The following TRAPPC8 variants were observed in gnomAD, a reference collection of about 807,000 sequenced individuals.
TRAPPC8 encodes general sporulation gene 1 homolog.
TRAPPC8 carries 54 observed loss-of-function variants against 174.3 expected under a neutral mutation model. The ratio of observed to expected loss-of-function variants is 0.31; its 90% CI spans 0.25 to 0.39. The LOEUF is 0.39. TRAPPC8 is among the 10% of genes least tolerant of loss of function. The probability of loss-of-function intolerance (pLI) is 1.00; values close to 1 mark genes in which losing one functional copy is unlikely to be tolerated. For synonymous variants in TRAPPC8, 630 were observed against 579.9 expected, an observed-to-expected ratio of 1.09 and a Z score of -1.24; for missense variants, 1,531 against 1,699.1, an observed-to-expected ratio of 0.90 and a Z score of 1.74.
chr18:31,832,978 A>T (rs940538425), intron 27 of TRAPPC8, among the ~76,000 whole-genome samples: 1 of 150,648 alleles, frequency 6.6e-6, no homozygotes, highest in Non-Finnish European at 1.5e-5. Flanking sequence ...CAGAAACTTT[A>T]TATCTTCTTA....
intron 28 of TRAPPC8, among the ~76,000 whole-genome samples, chr18:31,831,634 T>C (rs1598571396): frequency 6.6e-6 from 1 of 152,168 alleles, no homozygotes; most frequent in Admixed American, 6.5e-5. Context: ...CTGTTTATAA[T>C]ATTGAAAAAT....
intron 18 of TRAPPC8, among the ~76,000 whole-genome samples, chr18:31,865,612 A>G (rs1365006051): frequency 1.3e-5 from 2 of 151,932 alleles, no homozygotes; most frequent in Admixed American, 6.6e-5. Context: ...AATAACATAT[A>G]AAGTATTTTT....
chr18:31,919,834 C>A (rs1004541281), intron 2 of TRAPPC8, among the ~76,000 whole-genome samples: 12 of 151,838 alleles, frequency 7.9e-5, no homozygotes, highest in African/African-American at 2.9e-4. Context: ...GCACTCCAGC[C>A]TGGGCGACAG....
Position 31,830,484 on chromosome 18 carries a change from A to G in TRAPPC8, c.*271T>C. ...GCAGACTTAGACTTTGTGTTTTCTT[A>G]AGATGGGGCTTAATAAGGTGCACAA... On this transcript the variant is annotated 3_prime_UTR_variant, in exon 29 of 29. Transcript: ENST00000283351. 3 of 365,430 alleles carry G rather than the reference A, an allele frequency of 8.2e-6. No individual in the cohort carries two copies. Among genetic ancestry groups the G allele is most frequent in the Middle Eastern group, 7.6e-4 (1 of 1,312 alleles). The allele number at this position is 365,430 out of a possible 1,614,324, so 22.6% of individuals were successfully genotyped here.
chr18:31,861,938 G>A (rs1016491697), intron 19 of TRAPPC8, among the ~76,000 whole-genome samples: 263 of 23,878 alleles, frequency 0.011, 5 homozygotes, highest in African/African-American at 0.043. Flanking sequence ...AAAAAAAAAG[G>A]GGGGGGGGGG....
intron 19 of TRAPPC8, among the ~76,000 whole-genome samples, chr18:31,859,267 G>T (rs1036238465): frequency 3.9e-5 from 6 of 152,018 alleles, no homozygotes; most frequent in African/African-American, 1.5e-4. Flanking sequence ...AATGTGAGTG[G>T]GACTTCATTA....
intron 11 of TRAPPC8, among the ~76,000 whole-genome samples, chr18:31,893,939 C>G (rs1436229115): frequency 6.6e-6 from 1 of 152,192 alleles, no homozygotes; most frequent in Non-Finnish European, 1.5e-5. Flanking sequence ...CCTGGACATT[C>G]TCATAAGCTA....
intron 1 of TRAPPC8, among the ~76,000 whole-genome samples, chr18:31,941,557 A>T (rs1483133181): frequency 6.6e-6 from 1 of 152,228 alleles, no homozygotes; most frequent in African/African-American, 2.4e-5. Context: ...GCTAAAGAAA[A>T]TCCAAAAGTT....
At chr18:31,936,592 A>G (rs1213602894) in intron 1 of TRAPPC8, among the ~76,000 whole-genome samples, 2 of 152,120 alleles carry the variant, frequency 1.3e-5, no homozygotes, top group Non-Finnish European at 2.9e-5. Context: ...AGATTGATGA[A>G]ATATTTCCAA....
intron 12 of TRAPPC8, chr18:31,883,139 CTT>C (rs1248009256): frequency 6.6e-6 from 1 of 150,376 alleles, no homozygotes; most frequent in Non-Finnish European, 1.5e-5. Flanking sequence ...AGGAGAATCA[CTT>C]GAACCCAGGA....
rs1342834875 is a variant in TRAPPC8, at chr18:31,907,537, A to G, written c.1312T>C (p.Leu438=). The change falls in exon 9 of 29, where the codon TTG becomes CTG. Residue 438 remains leucine (L), a synonymous_variant. Coordinates refer to ENST00000283351, the MANE Select transcript of TRAPPC8 (RefSeq NM_014939.5). ...DLCFLVQHYD[L]AYSCYHTAKK... ...GCAGTATGATAGCAACTGTAAGCCA[A>G]ATCATAATGCTGCACCAAAAAACAT... 6.2e-7 allele frequency: 1 copy of G among 1,611,584 alleles called. No homozygotes were observed. The highest frequency in any genetic ancestry group is 8.5e-7 in the Non-Finnish European group (1 of 1,178,446).
At chr18:31,900,862 A>G in intron 10 of TRAPPC8, 63 bp downstream of exon 10, 1 of 1,362,226 alleles carries the variant, frequency 7.3e-7, no homozygotes, top group Non-Finnish European at 9.9e-7. Context: ...ATGGGGAAAA[A>G]AAAAAAAAAA....
chr18:31,924,369 T>C (rs988380207), intron 2 of TRAPPC8, among the ~76,000 whole-genome samples: 3 of 148,530 alleles, frequency 2.0e-5, no homozygotes, highest in African/African-American at 5.0e-5. Flanking sequence ...TAGGGAGAAC[T>C]GCTTGAACTA....
chr18:31,864,914 T>A, intron 18 of TRAPPC8, 133 bp from the exon 19 acceptor site: 3 of 786,380 alleles, frequency 3.8e-6, no homozygotes, highest in Non-Finnish European at 5.8e-6. Flanking sequence ...TTAACATGAT[T>A]AATCAAAGAA....
intron 10 of TRAPPC8, among the ~76,000 whole-genome samples, chr18:31,898,282 C>G (rs1420733612): frequency 6.6e-6 from 1 of 151,970 alleles, no homozygotes; most frequent in Admixed American, 6.6e-5. Context: ...GATGCAGAAC[C>G]TGCAGATACA....
intron 19 of TRAPPC8, among the ~76,000 whole-genome samples, chr18:31,862,191 A>G (rs934218455): frequency 1.3e-5 from 2 of 152,178 alleles, no homozygotes; most frequent in African/African-American, 4.8e-5. Flanking sequence ...ATTTCAATTC[A>G]TCATCAGCTT....
chr18:31,908,444 G>T, intron 7 of TRAPPC8, 26 bp from the exon 8 acceptor site: 1 of 1,394,660 alleles, frequency 7.2e-7, no homozygotes, highest in South Asian at 1.4e-5. Context: ...TAAATATGTT[G>T]ACAAACAAAG....
chr18:31,840,733 T>C (rs2033045961), intron 26 of TRAPPC8, among the ~76,000 whole-genome samples: 1 of 152,170 alleles, frequency 6.6e-6, no homozygotes, highest in South Asian at 2.1e-4. Context: ...GAGCAAAACC[T>C]AAAATACTTC....
At chr18:31,917,696 A>C (rs1448167317) in intron 2 of TRAPPC8, 29 bp from the exon 3 acceptor site, 1 of 1,577,736 alleles carries the variant, frequency 6.3e-7, no homozygotes. Flanking sequence ...AAAACAGTTA[A>C]AAGTATTCAA....
Sources: gnomAD v4.1 joint callset for allele counts (sites outside exome capture counted in the v4.1 genomes callset) on GRCh38, gnomAD v4.1.1 for gene constraint, MANE v1.5 for transcripts, NCBI Gene and HGNC (gene_info 2026-07-23, HGNC 2026-07-21) for gene names.